Variants in WASHC2A observed in about 807,000 individuals in gnomAD.
The protein encoded by WASHC2A is WASH complex subunit FAM21A.
Under a neutral mutation model 140.3 loss-of-function variants are expected in WASHC2A, and 82 were observed. That is an observed-to-expected ratio of 0.58 (90% confidence interval 0.49 to 0.70). The LOEUF is 0.70. WASHC2A is among the 30% of genes least tolerant of loss of function. WASHC2A has a pLI of 0.00. For missense variants in WASHC2A, 985 were observed against 1,521.8 expected (o/e 0.65, Z 5.87); for synonymous variants, 340 against 560.8 (o/e 0.61, Z 5.56).
intron 29 of WASHC2A, 47 bp downstream of exon 29, chr10:50,130,086 G>A: frequency 6.2e-7 from 1 of 1,609,896 alleles, no homozygotes; most frequent in African/African-American, 1.3e-5. Context: ...GTTAAGGAAG[G>A]TATCTGATTG....
At chr10:50,093,714 G>A (rs1238702707) in intron 12 of WASHC2A, 146 bp from the exon 13 acceptor site, 1 of 537,530 alleles carries the variant, frequency 1.9e-6, no homozygotes, top group Non-Finnish European at 3.3e-6. Context: ...TTTTGCCATA[G>A]TTATCACTTT....
intron 5 of WASHC2A, among the ~76,000 whole-genome samples, chr10:50,083,038 G>A (rs1291874680): frequency 8.6e-6 from 1 of 115,714 alleles, no homozygotes; most frequent in Non-Finnish European, 1.7e-5. Flanking sequence ...CGCTCTTGTT[G>A]CCCAGGCTGG....
intron 13 of WASHC2A, among the ~76,000 whole-genome samples, chr10:50,094,828 G>T (rs1311429803): frequency 6.6e-6 from 1 of 150,780 alleles, no homozygotes; most frequent in African/African-American, 2.4e-5. Context: ...GTTTGGGGGA[G>T]CCCTGGTCAT....
In WASHC2A at chr10:50,133,033, C is replaced by G. The variant is rs1355527885; in HGVS notation, c.*88C>G. 2.2e-5 allele frequency: 36 copies of G among 1,604,804 alleles called. No homozygotes were observed. The highest frequency in any genetic ancestry group is 2.3e-4 in the Middle Eastern group (1 of 4,392). On this transcript the variant is annotated 3_prime_UTR_variant, in exon 31 of 31. Coordinates refer to ENST00000282633, the MANE Select transcript of WASHC2A (RefSeq NM_001005751.3). ...TATGCTGATGGTCTTAACTGGATTA[C>G]AAAAAGCAAATACTAGAACAGCTAG... is the stretch of plus-strand genomic sequence containing the variant.
At chr10:50,091,984 ACTCT>A (rs1200169203) in intron 10 of WASHC2A, among the ~76,000 whole-genome samples, 174 bp from the exon 11 acceptor site, 1 of 152,088 alleles carries the variant, frequency 6.6e-6, no homozygotes, top group African/African-American at 2.4e-5. Flanking sequence ...TTACAAAGAG[ACTCT>A]TGAGTGCCCA....
intron 2 of WASHC2A, among the ~76,000 whole-genome samples, chr10:50,069,266 A>G (rs1442714718): frequency 6.6e-6 from 1 of 151,014 alleles, no homozygotes; most frequent in Non-Finnish European, 1.5e-5. Flanking sequence ...CTCTACTAAA[A>G]ATACACAAAA....
Position 50,106,390 on chromosome 10 carries a change from G to C in WASHC2A, c.1794G>C (p.Gln598His). The part of the protein sequence containing the change: ...AKKQTLCLQA[Q>H]REEKAKASEL... ...AGCAGACATTGTGTCTACAAGCTCA[G>C]AGAGAAGAGAAAGCAAAAGCCTCCG... The change falls in exon 19 of 31, where the codon CAG becomes CAC. Residue 598 changes from glutamine to histidine, a missense_variant. Physicochemically the swap from Gln to His is conservative, Grantham distance 24. Transcript: ENST00000282633. 6.2e-7 allele frequency: 1 copy of C among 1,611,966 alleles called. No homozygotes were observed. Among genetic ancestry groups the C allele is most frequent in the Non-Finnish European group, 8.5e-7 (1 of 1,179,854 alleles).
intron 10 of WASHC2A, 92 bp from the exon 11 acceptor site, chr10:50,092,070 G>C: frequency 5.9e-6 from 8 of 1,360,868 alleles, no homozygotes; most frequent in Non-Finnish European, 8.2e-6. Context: ...GCTCTTAGCT[G>C]TGAGTTATGA....
intron 5 of WASHC2A, among the ~76,000 whole-genome samples, chr10:50,081,768 G>A (rs1400574056): frequency 2.0e-5 from 3 of 151,746 alleles, no homozygotes; most frequent in Non-Finnish European, 2.9e-5. Context: ...GAGTAGCTGG[G>A]ATTACAGGCG....
intron 3 of WASHC2A, among the ~76,000 whole-genome samples, chr10:50,071,375 C>T (rs1426433797): frequency 2.0e-5 from 3 of 150,850 alleles, no homozygotes; most frequent in Non-Finnish European, 3.0e-5. Flanking sequence ...GTGCGATCTC[C>T]GCTCACTGCA....
intron 13 of WASHC2A, among the ~76,000 whole-genome samples, chr10:50,094,733 A>AT (rs1196565635): frequency 6.7e-6 from 1 of 150,190 alleles, no homozygotes; most frequent in Non-Finnish European, 1.5e-5. Context: ...TTATGTCTTT[A>AT]TTTTTTTACT....
chr10:50,128,578 T>C (rs1394990074), intron 28 of WASHC2A, among the ~76,000 whole-genome samples: 175 of 152,322 alleles, frequency 1.1e-3, no homozygotes, highest in African/African-American at 4.0e-3. Flanking sequence ...CCCCGGCAAA[T>C]AGATTCATTT....
chr10:50,112,097 G>A (rs1842337417), intron 20 of WASHC2A: 2 of 985,100 alleles, frequency 2.0e-6, no homozygotes, highest in African/African-American at 1.7e-5. Flanking sequence ...GGGCGGTCAT[G>A]GCTCCACCTT....
At chr10:50,089,723 T>TA (rs1839705392) in intron 8 of WASHC2A, among the ~76,000 whole-genome samples, 2 of 152,252 alleles carry the variant, frequency 1.3e-5, no homozygotes, top group Admixed American at 6.5e-5. Context: ...CTCTAGTCGT[T>TA]ACAGCTTTTA....
intron 19 of WASHC2A, among the ~76,000 whole-genome samples, chr10:50,107,208 C>T (rs1229398949): frequency 7.8e-5 from 6 of 76,448 alleles, no homozygotes; most frequent in African/African-American, 2.6e-4. Context: ...TAGCATGTCC[C>T]GTATACCCCA....
At chr10:50,118,111 T>G in intron 22 of WASHC2A, 53 bp downstream of exon 22, 1 of 1,476,254 alleles carries the variant, frequency 6.8e-7, no homozygotes, top group Non-Finnish European at 9.4e-7. Context: ...GTATGTTGTT[T>G]CAAACACACA....
In WASHC2A at chr10:50,110,117, C is replaced by G. The variant is rs1842153856; in HGVS notation, c.1886C>G (p.Pro629Arg). 1.2e-6 allele frequency: 2 copies of G among 1,610,612 alleles called. No individual in the cohort carries two copies. Among genetic ancestry groups the G allele is most frequent in the Admixed American group, 1.7e-5 (1 of 59,818 alleles). The part of the protein sequence containing the change: ...SSDEEDQWNI[P>R]ASQTHLASDS... The stretch of plus-strand genomic sequence containing the variant: ...TGTTTTAAGGACCAGTGGAATATTC[C>G]TGCTTCACAGACCCACTTAGCATCT... The change falls in exon 20 of 31, where the codon CCT becomes CGT. Residue 629 changes from proline to arginine, a missense_variant. Coordinates refer to ENST00000282633, the MANE Select transcript of WASHC2A (RefSeq NM_001005751.3).
intron 17 of WASHC2A, among the ~76,000 whole-genome samples, chr10:50,101,966 C>A (rs1420277965): frequency 2.0e-5 from 3 of 152,150 alleles, no homozygotes; most frequent in Non-Finnish European, 2.9e-5. Context: ...AGAGAGAGCC[C>A]GATGGAGGCC....
At chr10:50,079,931 G>A (rs1378082521) in intron 4 of WASHC2A, among the ~76,000 whole-genome samples, 1 of 151,244 alleles carries the variant, frequency 6.6e-6, no homozygotes. Flanking sequence ...AAAAAGTTCA[G>A]TTAGAAAGAC....
Sources: gnomAD v4.1 joint callset for allele counts (sites outside exome capture counted in the v4.1 genomes callset) on GRCh38, gnomAD v4.1.1 for gene constraint, MANE v1.5 for transcripts, NCBI Gene and HGNC (gene_info 2026-07-23, HGNC 2026-07-21) for gene names.